The following FSIP1 variants were observed in gnomAD, a reference collection of about 807,000 sequenced individuals.
FSIP1 encodes the protein fibrous sheath-interacting protein 1.
In FSIP1, 65 loss-of-function variants were observed where a neutral mutation model predicts 60.9. That is an observed-to-expected ratio of 1.07 (90% CI 0.87 to 1.31). The LOEUF is 1.31. Ranked by LOEUF, FSIP1 falls within the 40% of genes most tolerant of loss-of-function variation. The probability of loss-of-function intolerance (pLI) is 0.00; values close to 1 mark genes in which losing one functional copy is unlikely to be tolerated. For synonymous variants in FSIP1, 209 were observed against 221.2 expected, an observed-to-expected ratio of 0.94 and a Z score of 0.49; for missense variants, 675 against 665.5, an observed-to-expected ratio of 1.01 and a Z score of -0.16.
intron 2 of FSIP1, among the ~76,000 whole-genome samples, chr15:39,776,174 G>GGAGAGAGA (rs1898050720): frequency 1.1e-5 from 1 of 94,360 alleles, no homozygotes; most frequent in Admixed American, 1.2e-4. Flanking sequence ...AGCAGAGGGA[G>GGAGAGAGA]GGGAGGGGCG....
intron 10 of FSIP1, among the ~76,000 whole-genome samples, chr15:39,632,608 C>A (rs1313599314): frequency 6.6e-6 from 1 of 152,142 alleles, no homozygotes; most frequent in Admixed American, 6.5e-5. Context: ...TCCTGGTCAA[C>A]ATGGTGCAAC....
At chr15:39,735,574 T>C (rs1376782884) in intron 8 of FSIP1, among the ~76,000 whole-genome samples, 1 of 152,220 alleles carries the variant, frequency 6.6e-6, no homozygotes, top group African/African-American at 2.4e-5. Flanking sequence ...AGGACATTAC[T>C]GGCTGCTACT....
intron 10 of FSIP1, among the ~76,000 whole-genome samples, chr15:39,678,337 A>C (rs1048512543): frequency 6.6e-6 from 1 of 152,154 alleles, no homozygotes; most frequent in Non-Finnish European, 1.5e-5. Flanking sequence ...ACAAAAAAGC[A>C]TTTGATATTT....
intron 10 of FSIP1, among the ~76,000 whole-genome samples, chr15:39,702,663 C>T (rs942901317): frequency 6.6e-5 from 10 of 150,490 alleles, no homozygotes; most frequent in Non-Finnish European, 4.4e-5. Flanking sequence ...TTTTCTTTTA[C>T]CTCAATGCTA....
At chr15:39,697,406 G>A (rs1894864313) in intron 10 of FSIP1, among the ~76,000 whole-genome samples, 1 of 152,176 alleles carries the variant, frequency 6.6e-6, no homozygotes. Context: ...ATAAGAATGT[G>A]AAGAGTTAAA....
In FSIP1 at chr15:39,744,752, C is replaced by CTGTCTG. The variant is rs10655046; in HGVS notation, c.560-2853_560-2852insCAGACA. Among the ~76,000 whole-genome samples, 129 of 139,958 alleles carry CTGTCTG rather than the reference C, an allele frequency of 9.2e-4. 1 individual carries two copies. The highest frequency in any genetic ancestry group is 6.3e-3 in the East Asian group (29 of 4,582). 91.8% of individuals were successfully genotyped at this position (139,958 alleles called of 152,430 possible). ...AGTCTGTCTGTCTGTCTGTCTGTCT[C>CTGTCTG]TCTCTCTCTCTCTCTCCCCCTCAGT... On this transcript the variant is annotated intron_variant, in intron 5 of 11. Coordinates refer to ENST00000350221, the MANE Select transcript of FSIP1 (RefSeq NM_152597.5).
chr15:39,638,179 A>G (rs761668425), intron 10 of FSIP1, among the ~76,000 whole-genome samples: 1 of 152,250 alleles, frequency 6.6e-6, no homozygotes, highest in Admixed American at 6.5e-5. Context: ...AGGACTGACA[A>G]GAGAACATTT....
At chr15:39,760,553 G>A (rs1373881411) in intron 5 of FSIP1, among the ~76,000 whole-genome samples, 2 of 152,082 alleles carry the variant, frequency 1.3e-5, no homozygotes, top group Admixed American at 6.5e-5. Context: ...ATCTAATCAT[G>A]AGAAAACATC....
intron 11 of FSIP1, among the ~76,000 whole-genome samples, chr15:39,611,696 G>C (rs561201457): frequency 6.6e-6 from 1 of 152,122 alleles, no homozygotes; most frequent in Non-Finnish European, 1.5e-5. Context: ...GATTAAAGTC[G>C]CTAGTCAAAA....
intron 10 of FSIP1, among the ~76,000 whole-genome samples, chr15:39,697,248 C>CAAACAA (rs1894857873): frequency 6.6e-6 from 1 of 151,816 alleles, no homozygotes; most frequent in Admixed American, 6.6e-5. Flanking sequence ...CTAGATATAC[C>CAAACAA]AAACAAAAAC....
intron 10 of FSIP1, among the ~76,000 whole-genome samples, chr15:39,631,436 A>G (rs1035133780): frequency 2.0e-5 from 3 of 152,222 alleles, no homozygotes; most frequent in African/African-American, 7.2e-5. Flanking sequence ...GAAACCTCAG[A>G]TCCCAGCAAG....
chr15:39,714,553 C>T (rs1895659736), intron 9 of FSIP1, among the ~76,000 whole-genome samples: 1 of 150,922 alleles, frequency 6.6e-6, no homozygotes. Flanking sequence ...TTCTCACCGT[C>T]TTAGTTAAGA....
At chr15:39,690,874 A>G (rs185255688) in intron 10 of FSIP1, among the ~76,000 whole-genome samples, 1 of 152,324 alleles carries the variant, frequency 6.6e-6, no homozygotes, top group Admixed American at 6.5e-5. Context: ...GAAAGGCCCT[A>G]ATGCTAGCCA....
chr15:39,669,943 T>C (rs977523914), intron 10 of FSIP1, among the ~76,000 whole-genome samples: 3 of 152,174 alleles, frequency 2.0e-5, no homozygotes, highest in Non-Finnish European at 2.9e-5. Flanking sequence ...CATATCAGAG[T>C]GGAATCATGC....
chr15:39,694,905 T>C (rs2140511657), intron 10 of FSIP1, among the ~76,000 whole-genome samples: 1 of 152,326 alleles, frequency 6.6e-6, no homozygotes, highest in East Asian at 1.9e-4. Flanking sequence ...ACATACTTAA[T>C]GTAAGTCAGG....
chr15:39,673,347 T>C (rs1444665436), intron 10 of FSIP1, among the ~76,000 whole-genome samples: 1 of 152,168 alleles, frequency 6.6e-6, no homozygotes, highest in Non-Finnish European at 1.5e-5. Context: ...AGGGTCTCAC[T>C]TGGTCATCCA....
At chr15:39,737,025 A>G (rs1896635183) in intron 8 of FSIP1, among the ~76,000 whole-genome samples, 1 of 152,162 alleles carries the variant, frequency 6.6e-6, no homozygotes, top group African/African-American at 2.4e-5. Flanking sequence ...GACCAGTTTC[A>G]GGGAAAGGGG....
chr15:39,773,238 T>C (rs1897947572), intron 2 of FSIP1, among the ~76,000 whole-genome samples: 2 of 152,200 alleles, frequency 1.3e-5, no homozygotes, highest in Non-Finnish European at 1.5e-5. Context: ...AGTCAAACAA[T>C]ATGTAAGGTT....
intron 10 of FSIP1, among the ~76,000 whole-genome samples, chr15:39,712,400 A>G (rs1293658368): frequency 6.6e-6 from 1 of 152,202 alleles, no homozygotes; most frequent in African/African-American, 2.4e-5. Context: ...GAAATCCTAC[A>G]AAAACCAGGT....
Sources: gnomAD v4.1 joint callset for allele counts (sites outside exome capture counted in the v4.1 genomes callset) on GRCh38, gnomAD v4.1.1 for gene constraint, MANE v1.5 for transcripts, NCBI Gene and HGNC (gene_info 2026-07-23, HGNC 2026-07-21) for gene names.